The following NWD2 variants were observed in gnomAD, a reference collection of about 807,000 sequenced individuals.
NWD2 encodes the protein NACHT and WD repeat domain-containing protein 2.
NWD2 carries 37 observed loss-of-function variants against 132.7 expected under a neutral mutation model. The observed-to-expected ratio is 0.28, with a 90% CI of 0.21 to 0.37. The LOEUF is 0.37. Among genes scored for constraint, NWD2 ranks in the 10% least tolerant of loss-of-function variants. The pLI is 1.00. For missense variants in NWD2, 1,592 were observed against 2,122.4 expected (o/e 0.75, Z 4.91); for synonymous variants, 705 against 803.0 (o/e 0.88, Z 2.06).
chr4:37,427,382 T>G (rs1436777427), intron 3 of NWD2, among the ~76,000 whole-genome samples: 1 of 152,148 alleles, frequency 6.6e-6, no homozygotes, highest in African/African-American at 2.4e-5. Context: ...TCTGTGTGTG[T>G]GATAAAATAA....
intron 1 of NWD2, among the ~76,000 whole-genome samples, chr4:37,280,251 A>G (rs11946127): frequency 0.17 from 25,881 of 152,210 alleles, 2,619 homozygotes; most frequent in African/African-American, 0.28. Context: ...ACATTGAAAT[A>G]AATGTGAGCT....
intron 3 of NWD2, among the ~76,000 whole-genome samples, 168 bp downstream of exon 3, chr4:37,356,650 G>C (rs768498148): frequency 6.6e-6 from 1 of 152,164 alleles, no homozygotes; most frequent in Non-Finnish European, 1.5e-5. Context: ...AGAACAAAAA[G>C]CTTCAACTTT....
intron 3 of NWD2, among the ~76,000 whole-genome samples, chr4:37,402,718 A>G (rs572944426): frequency 6.6e-6 from 1 of 152,186 alleles, no homozygotes. Context: ...GGCTGTTCAC[A>G]AACCCAGCTG....
At chr4:37,316,327 C>T (rs959245043) in intron 1 of NWD2, among the ~76,000 whole-genome samples, 13 of 152,050 alleles carry the variant, frequency 8.5e-5, no homozygotes, top group African/African-American at 2.9e-4. Flanking sequence ...CTGGCTTCCA[C>T]TCCTTCTGAT....
intron 2 of NWD2, among the ~76,000 whole-genome samples, chr4:37,354,132 A>T (rs1240405507): frequency 1.3e-5 from 2 of 152,086 alleles, no homozygotes. Context: ...TTTGCTGGAG[A>T]TCCACTCCAG....
At chr4:37,329,184 A>G (rs916415235) in intron 2 of NWD2, among the ~76,000 whole-genome samples, 3 of 152,108 alleles carry the variant, frequency 2.0e-5, no homozygotes, top group Admixed American at 2.0e-4. Context: ...CCGATAATCC[A>G]TCCAGTTCAT....
intron 3 of NWD2, among the ~76,000 whole-genome samples, chr4:37,426,582 G>A (rs925219599): frequency 3.3e-5 from 5 of 152,142 alleles, no homozygotes; most frequent in Non-Finnish European, 7.4e-5. Context: ...TTTTTGAAAT[G>A]ATCCTCTGTG....
chr4:37,268,576 A>C (rs531135871), intron 1 of NWD2, among the ~76,000 whole-genome samples: 1 of 151,968 alleles, frequency 6.6e-6, no homozygotes, highest in South Asian at 2.1e-4. Flanking sequence ...ACCTACTTTG[A>C]ATGTTGATAA....
intron 3 of NWD2, among the ~76,000 whole-genome samples, chr4:37,388,474 A>G (rs2376750): frequency 0.99 from 150,706 of 152,170 alleles, 74,645 homozygotes; most frequent in Middle Eastern, 1. Context: ...GTGAGCCACC[A>G]CGCCTAGCCG....
chr4:37,246,920 G>A (rs1717255061), intron 1 of NWD2, among the ~76,000 whole-genome samples: 1 of 152,238 alleles, frequency 6.6e-6, no homozygotes, highest in South Asian at 2.1e-4. Flanking sequence ...TATACTATCA[G>A]CTTAATATTG....
chr4:37,304,133 C>G (rs921249949), intron 1 of NWD2, among the ~76,000 whole-genome samples: 9 of 152,152 alleles, frequency 5.9e-5, no homozygotes, highest in Non-Finnish European at 1.0e-4. Context: ...AGAAAACTTA[C>G]AGTCATGGTG....
At chr4:37,339,434 A>G (rs758463473) in intron 2 of NWD2, among the ~76,000 whole-genome samples, 2 of 152,194 alleles carry the variant, frequency 1.3e-5, no homozygotes, top group African/African-American at 2.4e-5. Flanking sequence ...TCTCCTAAAT[A>G]TACAGCAGTG....
chr4:37,260,766 AT>A (rs1161812258), intron 1 of NWD2, among the ~76,000 whole-genome samples: 9 of 152,154 alleles, frequency 5.9e-5, no homozygotes, highest in Non-Finnish European at 1.3e-4. Flanking sequence ...TATTAGATTG[AT>A]TTTTTTAAAA....
At chr4:37,355,006 A>G (rs923477138) in intron 2 of NWD2, among the ~76,000 whole-genome samples, 1 of 152,148 alleles carries the variant, frequency 6.6e-6, no homozygotes, top group African/African-American at 2.4e-5. Context: ...AAGCTCAGTA[A>G]TTTACAACTC....
At chr4:37,358,544 C>A (rs554465557) in intron 3 of NWD2, among the ~76,000 whole-genome samples, 15 of 152,226 alleles carry the variant, frequency 9.9e-5, no homozygotes, top group African/African-American at 3.6e-4. Context: ...ATATAGCTTC[C>A]TCTCAGGTTT....
chr4:37,271,989 T>G (rs184572575), intron 1 of NWD2, among the ~76,000 whole-genome samples: 5 of 151,874 alleles, frequency 3.3e-5, no homozygotes, highest in African/African-American at 1.2e-4. Flanking sequence ...TATTCCTGAT[T>G]TTTTGAGGAC....
intron 6 of NWD2, among the ~76,000 whole-genome samples, chr4:37,440,534 T>C (rs1363314248): frequency 2.6e-5 from 4 of 152,102 alleles, no homozygotes; most frequent in African/African-American, 9.7e-5. Context: ...GGTGGTCCAC[T>C]AAAGTCCCTT....
At chr4:37,276,666 G>A (rs533110863) in intron 1 of NWD2, among the ~76,000 whole-genome samples, 1 of 152,100 alleles carries the variant, frequency 6.6e-6, no homozygotes, top group African/African-American at 2.4e-5. Context: ...AAATCATGCT[G>A]CTATAAAGAC....
intron 1 of NWD2, among the ~76,000 whole-genome samples, chr4:37,256,515 G>A (rs536973289): frequency 6.6e-6 from 1 of 152,154 alleles, no homozygotes; most frequent in Non-Finnish European, 1.5e-5. Flanking sequence ...ACACTCGATT[G>A]ATGATATTCT....
Sources: gnomAD v4.1 joint callset for allele counts (sites outside exome capture counted in the v4.1 genomes callset) on GRCh38, gnomAD v4.1.1 for gene constraint, MANE v1.5 for transcripts, NCBI Gene and HGNC (gene_info 2026-07-23, HGNC 2026-07-21) for gene names.